Variants in TRPC1 observed in about 807,000 individuals in gnomAD.
TRPC1 encodes transient receptor potential cation channel subfamily C member 1.
Under a neutral mutation model 88.2 loss-of-function variants are expected in TRPC1, and 42 were observed. That is an observed-to-expected ratio of 0.48 (90% confidence interval 0.37 to 0.62). The LOEUF is 0.62. Ranked by LOEUF, TRPC1 falls within the 20% of genes least tolerant of loss-of-function variation. The pLI is 0.00. For missense variants in TRPC1, 699 were observed against 957.3 expected (o/e 0.73, Z 3.56); for synonymous variants, 288 against 331.8 (o/e 0.87, Z 1.43).
chr3:142,758,680 CT>C lies in TRPC1; in HGVS notation c.632+10228del, dbSNP rs568523153. On this transcript the variant is annotated intron_variant, in intron 4 of 12. Coordinates refer to ENST00000476941, the MANE Select transcript of TRPC1 (RefSeq NM_001251845.2). ...CTTTGGTTGTCTGTACTTTTTTTTT[CT>C]TTTTTTTCAATTATACTTTAAGTTC... Among the ~76,000 whole-genome samples the C allele has an allele frequency of 1.2e-3, 174 of 149,964 alleles. 4 individuals are homozygous for C. The South Asian group carries it at 0.036, about 31-fold the overall frequency.
rs897876005 is a variant in TRPC1 at position 142,767,622 on chromosome 3, T to G, written c.633-10010T>G. 1.3e-4 allele frequency among the ~76,000 whole-genome samples: 20 copies of G among 148,950 alleles called. No homozygotes were observed. In the East Asian group the frequency reaches 3.9e-3, roughly 29 times the overall value. On this transcript the variant is annotated intron_variant, in intron 4 of 12. Coordinates refer to ENST00000476941, the MANE Select transcript of TRPC1 (RefSeq NM_001251845.2). The surrounding 1 kb of genome is among the most constrained non-coding windows in gnomAD (Gnocchi z 5.1). ...ATAAATTATATATCTTTATATATCATATCATTTATATATCATAAGTGTACA... is the reference window on the plus strand; with the variant it reads ...ATAAATTATATATCTTTATATATCAGATCATTTATATATCATAAGTGTACA...
intron 4 of TRPC1, among the ~76,000 whole-genome samples, chr3:142,751,843 T>C (rs1934775723): frequency 6.6e-6 from 1 of 152,224 alleles, no homozygotes; most frequent in African/African-American, 2.4e-5. Flanking sequence ...CTGATGTTTA[T>C]TTGCAGAGGT....
chr3:142,731,374 ATTTTTTTTT>A (rs59613066), intron 1 of TRPC1, among the ~76,000 whole-genome samples: 6 of 79,524 alleles, frequency 7.5e-5, no homozygotes, highest in Admixed American at 4.2e-4. Context: ...ATATGTTTTG[ATTTTTTTTT>A]TTTTTTTTTT....
intron 9 of TRPC1, 101 bp from the exon 10 acceptor site, chr3:142,802,068 G>A (rs546973773): frequency 6.1e-4 from 470 of 767,824 alleles, no homozygotes; most frequent in South Asian, 1.9e-3. Flanking sequence ...GTGGCCTGTG[G>A]ATTATGTGTT....
chr3:142,805,215 A>AGAATTTTTTTTAGAAT (rs1936760225), intron 12 of TRPC1, among the ~76,000 whole-genome samples: 2 of 140,498 alleles, frequency 1.4e-5, no homozygotes, highest in African/African-American at 5.6e-5. Context: ...TTTTTTTTTT[A>AGAATTTTTTTTAGAAT]CTTTTCAGAT....
intron 6 of TRPC1, 123 bp downstream of exon 6, chr3:142,781,152 G>A (rs377656268): frequency 1.6e-5 from 11 of 696,502 alleles, no homozygotes; most frequent in South Asian, 7.2e-5. Context: ...AAAATTGTGT[G>A]TCTTGGGATA....
intron 10 of TRPC1, 45 bp from the exon 11 acceptor site, chr3:142,803,932 A>T (rs1254231340): frequency 1.3e-6 from 2 of 1,567,328 alleles, no homozygotes; most frequent in Admixed American, 1.7e-5. Flanking sequence ...ATTTTTGCTA[A>T]TTTCTTTAAT....
chr3:142,725,839 T>C (rs937247839), intron 1 of TRPC1, among the ~76,000 whole-genome samples: 9 of 152,200 alleles, frequency 5.9e-5, no homozygotes, highest in African/African-American at 1.9e-4. Flanking sequence ...CCTCCTGCTT[T>C]TGAAATAGGA....
At chr3:142,765,660 A>T (rs557044908) in intron 4 of TRPC1, among the ~76,000 whole-genome samples, 6 of 152,208 alleles carry the variant, frequency 3.9e-5, no homozygotes, top group Non-Finnish European at 8.8e-5. Flanking sequence ...CCATATAAAA[A>T]AATTAACTCA....
At chr3:142,772,822 C>T (rs1322923359) in intron 4 of TRPC1, among the ~76,000 whole-genome samples, 1 of 151,982 alleles carries the variant, frequency 6.6e-6, no homozygotes, top group Non-Finnish European at 1.5e-5. Flanking sequence ...TTTTGTTTTA[C>T]AGTTTGGGAA....
At chr3:142,783,510 T>A (rs1936030200) in intron 6 of TRPC1, among the ~76,000 whole-genome samples, 1 of 152,216 alleles carries the variant, frequency 6.6e-6, no homozygotes, top group Admixed American at 6.5e-5. Flanking sequence ...TTCATTCATG[T>A]GGATTCAACA....
chr3:142,724,653 ATGGCGCTGAAGGATGTGC>A lies in TRPC1; in HGVS notation c.95_112del (p.Met32_Val37del). ...ATCCTCTTCCTCGCCGAACGAGGTG[ATGGCGCTGAAGGATGTGC>A]GGGAGGTGAAGGAGGAGAATACGCT... On this transcript the variant is annotated inframe_deletion, in exon 1 of 13. Transcript: ENST00000476941. The surrounding 1 kb of genome is among the most constrained non-coding windows in gnomAD (Gnocchi z 5.6). The A allele has an allele frequency of 6.2e-7, 1 of 1,612,938 alleles. No homozygotes were observed. Among genetic ancestry groups the A allele is most frequent in the South Asian group, 1.1e-5 (1 of 91,048 alleles).
At chr3:142,777,789 T>C (rs762423559) in intron 5 of TRPC1, 26 bp downstream of exon 5, 12 of 1,590,502 alleles carry the variant, frequency 7.5e-6, no homozygotes, top group Admixed American at 1.8e-5. Flanking sequence ...AATTATATAA[T>C]GTATTTTGTT....
At chr3:142,753,111 A>C (rs1012316800) in intron 4 of TRPC1, among the ~76,000 whole-genome samples, 1 of 152,192 alleles carries the variant, frequency 6.6e-6, no homozygotes, top group Non-Finnish European at 1.5e-5. Context: ...TATGCTTGTT[A>C]AATAAGTGTG....
chr3:142,786,792 G>A (rs924616768), intron 7 of TRPC1, among the ~76,000 whole-genome samples: 9 of 152,110 alleles, frequency 5.9e-5, no homozygotes, highest in African/African-American at 2.2e-4. Context: ...GTCTTAAACA[G>A]ATGAAATTTT....
intron 2 of TRPC1, among the ~76,000 whole-genome samples, chr3:142,737,853 A>G (rs553250319): frequency 2.6e-5 from 4 of 152,260 alleles, no homozygotes; most frequent in Admixed American, 6.5e-5. Context: ...GTGTTTGTGT[A>G]TGTGCGTTTG....
chr3:142,779,599 A>C (rs1935893972), intron 5 of TRPC1, among the ~76,000 whole-genome samples: 1 of 152,194 alleles, frequency 6.6e-6, no homozygotes, highest in Non-Finnish European at 1.5e-5. Context: ...AGAATGTATA[A>C]AGAATGATGA....
At chr3:142,764,059 C>A (rs185926719) in intron 4 of TRPC1, among the ~76,000 whole-genome samples, 2 of 131,758 alleles carry the variant, frequency 1.5e-5, no homozygotes, top group South Asian at 4.4e-4. Context: ...AGATCACAGA[C>A]AAAAGAATGG....
chr3:142,743,666 C>G, intron 3 of TRPC1, 80 bp downstream of exon 3: 2 of 840,788 alleles, frequency 2.4e-6, no homozygotes, highest in Non-Finnish European at 3.3e-6. Context: ...TTTTCCTTCC[C>G]TCAAATTTAT....
Sources: gnomAD v4.1 joint callset for allele counts (sites outside exome capture counted in the v4.1 genomes callset) on GRCh38, gnomAD v4.1.1 for gene constraint, Gnocchi (gnomAD v3.1) non-coding constraint, MANE v1.5 for transcripts, NCBI Gene and HGNC (gene_info 2026-07-23, HGNC 2026-07-21) for gene names.